CCDC180: variants seen among roughly 807,000 people sequenced by gnomAD.
CCDC180 encodes coiled-coil domain-containing protein 180.
Under a neutral mutation model 209.2 loss-of-function variants are expected in CCDC180, and 154 were observed. That is an observed-to-expected ratio of 0.74 (90% CI 0.65 to 0.84). The LOEUF is 0.84. Ranked by LOEUF, CCDC180 falls within the 40% of genes least tolerant of loss-of-function variation. The pLI, the probability that CCDC180 is intolerant of heterozygous loss-of-function variation, is 0.00. For missense variants in CCDC180, 1,874 were observed against 1,997.3 expected (o/e 0.94, Z 1.18); for synonymous variants, 778 against 749.1 (o/e 1.04, Z -0.63).
intron 14 of CCDC180, 85 bp from the exon 15 acceptor site, chr9:97,326,469 A>G (rs1833536760): frequency 1.2e-6 from 1 of 806,974 alleles, no homozygotes; most frequent in Admixed American, 1.9e-5. Flanking sequence ...CCTCAGTTCC[A>G]GCAGCAGGGT....
chr9:97,323,162 C>T (rs1174888969), intron 12 of CCDC180, among the ~76,000 whole-genome samples: 1 of 152,150 alleles, frequency 6.6e-6, no homozygotes, highest in Admixed American at 6.5e-5. Context: ...TGCCCAGATC[C>T]CCTCCCCAGC....
intron 18 of CCDC180, among the ~76,000 whole-genome samples, chr9:97,333,365 C>T (rs910513389): frequency 2.0e-5 from 3 of 152,110 alleles, no homozygotes; most frequent in Non-Finnish European, 2.9e-5. Flanking sequence ...TTGGCATCAG[C>T]GTGATTCCGG....
At position 97,362,351 on chromosome 9, in the gene CCDC180, C is replaced by T. The variant is rs894482637; in HGVS notation, c.3812C>T (p.Ser1271Leu). ...PPVLCSCPGPSSPKGFKRHRC... is the reference protein window; with the variant it reads ...PPVLCSCPGPLSPKGFKRHRC... ...GTCCTCTGCTCCTGTCCTGGGCCCTCGTCACCCAAAGGCTTCAAGCGACAT... is the reference window on the plus strand; with the variant it reads ...GTCCTCTGCTCCTGTCCTGGGCCCTTGTCACCCAAAGGCTTCAAGCGACAT... The change falls in exon 28 of 37, where the codon TCG becomes TTG. Residue 1271 changes from serine (S) to leucine (L), a missense_variant. Physicochemically the swap from Ser to Leu is moderately radical, Grantham distance 145. Coordinates refer to ENST00000529487, the MANE Select transcript of CCDC180 (RefSeq NM_020893.6). The T allele has an allele frequency of 2.9e-5, 47 of 1,613,968 alleles. No homozygotes were observed. Among genetic ancestry groups the T allele is most frequent in the Middle Eastern group, 3.3e-4 (2 of 6,084 alleles).
In CCDC180 at chr9:97,325,205, C is replaced by T; in HGVS notation, c.1545+13C>T. ...CCTGGAGAGCCAGGTGAGACCCACA[C>T]CCGGGGCTCCATGTTTCACACCACA... On this transcript the variant is annotated intron_variant, in intron 14 of 36. Transcript: ENST00000529487. The T allele has an allele frequency of 6.3e-7, 1 of 1,575,292 alleles. No homozygotes were observed. The highest frequency in any genetic ancestry group is 8.6e-7 in the Non-Finnish European group (1 of 1,159,574).
In CCDC180 at chr9:97,324,933, G is replaced by T. The variant is rs543045658; in HGVS notation, c.1372-86G>T. On this transcript the variant is annotated intron_variant, in intron 13 of 36. Transcript: ENST00000529487. Reference sequence around the variant, plus strand: ...TCTGGGCAATACTGTTCAGTCGTTAGAGACAGGGGGTCCCACAGGTGGGCC... The same window carrying T: ...TCTGGGCAATACTGTTCAGTCGTTATAGACAGGGGGTCCCACAGGTGGGCC... The T allele has an allele frequency of 3.1e-6, 4 of 1,296,470 alleles. No homozygotes were observed. The South Asian group carries it at 5.7e-5, about 18-fold the overall frequency. The allele number at this position is 1,296,470 out of a possible 1,614,324, so 80.3% of individuals were successfully genotyped here. A position where few individuals can be genotyped will look rare whatever the true frequency, so the allele number is the denominator to read the frequency against.
chr9:97,364,934 A>T (rs1381876598), intron 29 of CCDC180, among the ~76,000 whole-genome samples: 2 of 152,192 alleles, frequency 1.3e-5, no homozygotes, highest in Non-Finnish European at 2.9e-5. Flanking sequence ...CATGGTGAAC[A>T]AGTACAGACA....
intron 29 of CCDC180, 169 bp from the exon 30 acceptor site, chr9:97,365,504 C>T: frequency 1.6e-6 from 1 of 626,606 alleles, no homozygotes; most frequent in Non-Finnish European, 2.9e-6. Flanking sequence ...AAGTTAGCTG[C>T]TGTTATGGAG....
Position 97,307,966 on chromosome 9 carries a change from C to T in CCDC180, c.-81-17C>T, listed in dbSNP as rs771089629. On this transcript the variant is annotated splice_polypyrimidine_tract_variant and intron_variant, in intron 1 of 36. Coordinates refer to ENST00000529487, the MANE Select transcript of CCDC180 (RefSeq NM_020893.6). ...GACCTGAACCTGAGTTTGGGACGGG[C>T]GATTTCCCAACCTCAGGAATTGGAA... The T allele has an allele frequency of 7.6e-6, 12 of 1,582,762 alleles. No homozygotes were observed. The highest frequency in any genetic ancestry group is 1.7e-4 in the Middle Eastern group (1 of 5,924).
At chr9:97,313,436 CAG>C (rs1833057169) in intron 5 of CCDC180, 91 bp downstream of exon 5, 12 of 837,102 alleles carry the variant, frequency 1.4e-5, no homozygotes, top group Non-Finnish European at 2.2e-5. Flanking sequence ...CCCTCTCCAG[CAG>C]AGAGGTCCTC....
intron 18 of CCDC180, among the ~76,000 whole-genome samples, chr9:97,339,672 T>C (rs574512049): frequency 4.2e-4 from 64 of 152,172 alleles, no homozygotes; most frequent in Admixed American, 4.2e-3. Flanking sequence ...CTTTGTGGTG[T>C]TCTCTGTATT....
intron 4 of CCDC180, 37 bp from the exon 5 acceptor site, chr9:97,313,199 T>A (rs777670172): frequency 1.4e-6 from 2 of 1,421,660 alleles, no homozygotes; most frequent in Admixed American, 3.4e-5. Flanking sequence ...CTGAGAGCTC[T>A]GAAGGCAGCC....
chr9:97,321,092 G>A (rs535014455), intron 11 of CCDC180, among the ~76,000 whole-genome samples: 8 of 152,308 alleles, frequency 5.3e-5, no homozygotes, highest in African/African-American at 7.2e-5. Flanking sequence ...GTAAACAAGT[G>A]TACTCTGTTG....
At chr9:97,317,267 G>A (rs747070203) in intron 9 of CCDC180, 39 bp downstream of exon 9, 28 of 1,482,696 alleles carry the variant, frequency 1.9e-5, no homozygotes, top group Admixed American at 6.7e-5. Flanking sequence ...CAGCCCACCA[G>A]GGGGGCTGGC....
chr9:97,323,767 C>T lies in CCDC180; in HGVS notation c.1249-14C>T. The T allele has an allele frequency of 6.4e-7, 1 of 1,555,444 alleles. No homozygotes were observed. Among genetic ancestry groups the T allele is most frequent in the South Asian group, 1.2e-5 (1 of 83,960 alleles). ...AGTCCTAAGCCAGGCTCTGCCTTGT[C>T]CCACACACTCCAGAAGCAGCTGCTG... On this transcript the variant is annotated splice_polypyrimidine_tract_variant and intron_variant, in intron 12 of 36. Coordinates refer to ENST00000529487, the MANE Select transcript of CCDC180 (RefSeq NM_020893.6).
chr9:97,366,619 G>C lies in CCDC180; in HGVS notation c.4108G>C (p.Asp1370His), dbSNP rs781463898. ...TRPDCMCDTF[D>H]QCAENISKKI... Reference sequence around the variant, plus strand: ...GCCTGACTGCATGTGTGACACCTTTGACCAGTGCGCCGAGAACATTAGCAA... The same window carrying C: ...GCCTGACTGCATGTGTGACACCTTTCACCAGTGCGCCGAGAACATTAGCAA... The change falls in exon 31 of 37, where the codon GAC becomes CAC. Residue 1370 changes from aspartate (D) to histidine (H), a missense_variant. Physicochemically the swap from Asp to His is moderately conservative, Grantham distance 81. Coordinates refer to ENST00000529487, the MANE Select transcript of CCDC180 (RefSeq NM_020893.6). The surrounding 1 kb of genome is among the most constrained non-coding windows in gnomAD (Gnocchi z 4.3). 6.2e-7 allele frequency: 1 copy of C among 1,614,092 alleles called. No individual in the cohort carries two copies. The highest frequency in any genetic ancestry group is 8.5e-7 in the Non-Finnish European group (1 of 1,180,038).
At chr9:97,352,980 T>A (rs1000715123) in intron 22 of CCDC180, among the ~76,000 whole-genome samples, 16 of 151,050 alleles carry the variant, frequency 1.1e-4, no homozygotes, top group African/African-American at 3.9e-4. Flanking sequence ...CATATACATA[T>A]ATATATATAC....
chr9:97,308,766 AT>A (rs1313659759), intron 2 of CCDC180, among the ~76,000 whole-genome samples: 1 of 152,246 alleles, frequency 6.6e-6, no homozygotes, highest in Admixed American at 6.5e-5. Flanking sequence ...GCCTTAAATA[AT>A]TATCTGTAAA....
Position 97,370,668 on chromosome 9 carries a change from A to T in CCDC180, c.4378A>T (p.Asn1460Tyr). The T allele has an allele frequency of 1.2e-6, 2 of 1,613,902 alleles. No individual in the cohort carries two copies. Among genetic ancestry groups the T allele is most frequent in the South Asian group, 2.2e-5 (2 of 90,988 alleles). The change falls in exon 33 of 37, where the codon AAT becomes TAT. Residue 1460 changes from asparagine (N) to tyrosine (Y), a missense_variant. Transcript: ENST00000529487. ...KDKNAQKLHL[N>Y]LGHPVHFQEM... ...CAAAAATGCCCAGAAGCTCCATCTA[A>T]ATCTTGGACACCCCGTACATTTCCA...
At chr9:97,356,703 C>CT (rs1826595162) in intron 24 of CCDC180, among the ~76,000 whole-genome samples, 2 of 152,174 alleles carry the variant, frequency 1.3e-5, no homozygotes, top group African/African-American at 4.8e-5. Flanking sequence ...TTTTTCTGAG[C>CT]TAATATCTGG....
Sources: gnomAD v4.1 joint callset for allele counts (sites outside exome capture counted in the v4.1 genomes callset) on GRCh38, gnomAD v4.1.1 for gene constraint, Gnocchi (gnomAD v3.1) non-coding constraint, MANE v1.5 for transcripts, NCBI Gene and HGNC (gene_info 2026-07-23, HGNC 2026-07-21) for gene names.